Variants in MCFD2 observed in about 807,000 individuals in gnomAD.
MCFD2 encodes the protein multiple coagulation factor deficiency 2, ER cargo receptor complex subunit, also known as multiple coagulation factor deficiency protein 2.
Under a neutral mutation model 12.8 loss-of-function variants are expected in MCFD2, and 11 were observed. The observed-to-expected ratio is 0.86, with a 90% CI of 0.54 to 1.42. The LOEUF (loss-of-function observed/expected upper bound fraction) is 1.42, where lower values mean the gene tolerates loss of function less well. Ranked by LOEUF, MCFD2 falls within the 40% of genes most tolerant of loss-of-function variation. The pLI is 0.00. For synonymous variants in MCFD2, 70 were observed against 68.1 expected, an observed-to-expected ratio of 1.03 and a Z score of -0.14; for missense variants, 191 against 178.6, an observed-to-expected ratio of 1.07 and a Z score of -0.40.
chr2:46,915,247 GA>G (rs1266325825), intron 1 of MCFD2, among the ~76,000 whole-genome samples: 1 of 152,226 alleles, frequency 6.6e-6, no homozygotes, highest in Admixed American at 6.5e-5. Context: ...AAGCAAGTGA[GA>G]ATGATGCCCA....
Position 46,909,180 on chromosome 2 carries a change from G to A in MCFD2, c.-6-3C>T, listed in dbSNP as rs189323144. On this transcript the variant is annotated splice_polypyrimidine_tract_variant and splice_region_variant and intron_variant, in intron 1 of 3. Coordinates refer to ENST00000319466, the MANE Select transcript of MCFD2 (RefSeq NM_139279.6). ...AGGGATCTCATGGTCATCAATATCT[G>A]TGAGATGGGAAACACAGAAGAGGAA... 2 of 1,612,798 alleles carry A rather than the reference G, an allele frequency of 1.2e-6. No homozygotes were observed. Among genetic ancestry groups the A allele is most frequent in the Non-Finnish European group, 8.5e-7 (1 of 1,179,344 alleles).
intron 1 of MCFD2, among the ~76,000 whole-genome samples, chr2:46,926,469 G>T (rs933041827): frequency 6.6e-6 from 1 of 152,146 alleles, no homozygotes; most frequent in Non-Finnish European, 1.5e-5. Context: ...GTGAGGATAG[G>T]GAGAGTCAAG....
chr2:46,909,305 C>T (rs939255788), intron 1 of MCFD2, 128 bp from the exon 2 acceptor site: 47 of 1,082,350 alleles, frequency 4.3e-5, no homozygotes, highest in African/African-American at 3.6e-4. Flanking sequence ...TTGTCAAACA[C>T]GGCCCAATGC....
chr2:46,906,241 G>A (rs963572744), intron 3 of MCFD2, among the ~76,000 whole-genome samples: 5 of 151,894 alleles, frequency 3.3e-5, no homozygotes, highest in East Asian at 3.9e-4. Flanking sequence ...TAATTCCTCC[G>A]CCTAACACTA....
chr2:46,909,055 C>A lies in MCFD2; in HGVS notation c.117G>T (p.Met39Ile). The change falls in exon 2 of 4, where the codon ATG becomes ATT. Residue 39 changes from methionine (M) to isoleucine (I), a missense_variant. Met to Ile is a conservative substitution (Grantham distance 10). Coordinates refer to ENST00000319466, the MANE Select transcript of MCFD2 (RefSeq NM_139279.6). Reference sequence around the variant, plus strand: ...CGTGCACTGTGTTCTTATCCAGGCCCATGCTGCCGGGTTGGGAGAAGCTGG... The same window carrying A: ...CGTGCACTGTGTTCTTATCCAGGCCAATGCTGCCGGGTTGGGAGAAGCTGG... ...PAASFSQPGS[M>I]GLDKNTVHDQ... 1 of 1,614,250 alleles carries A rather than the reference C, an allele frequency of 6.2e-7. No homozygotes were observed. Among genetic ancestry groups the A allele is most frequent in the Non-Finnish European group, 8.5e-7 (1 of 1,180,052 alleles).
chr2:46,917,241 C>T (rs1254921818), upstream of MCFD2: 2 of 694,846 alleles, frequency 2.9e-6, no homozygotes, highest in Non-Finnish European at 5.2e-6. Context: ...GCAATCCTCC[C>T]ACCACCTCCG....
intron 1 of MCFD2, among the ~76,000 whole-genome samples, chr2:46,924,076 G>A (rs560072228): frequency 1.3e-5 from 2 of 151,926 alleles, no homozygotes; most frequent in Non-Finnish European, 2.9e-5. Flanking sequence ...GTGGTGGTGT[G>A]GGCCTGTAGT....
chr2:46,938,129 A>G (rs1670070935), intron 1 of MCFD2, among the ~76,000 whole-genome samples: 1 of 152,076 alleles, frequency 6.6e-6, no homozygotes, highest in Non-Finnish European at 1.5e-5. Context: ...GATCTCCAAA[A>G]CCTCCTTGAA....
chr2:46,918,390 A>C (rs1301182046), upstream of MCFD2, among the ~76,000 whole-genome samples: 2 of 152,220 alleles, frequency 1.3e-5, no homozygotes, highest in Non-Finnish European at 2.9e-5. Flanking sequence ...GTAGTAGATG[A>C]TGCTGCTGGA....
At chr2:46,913,484 C>T (rs1668568584) in intron 1 of MCFD2, among the ~76,000 whole-genome samples, 1 of 152,216 alleles carries the variant, frequency 6.6e-6, no homozygotes, top group Non-Finnish European at 1.5e-5. Flanking sequence ...ACAAATTAAA[C>T]TGCTGACAGT....
intron 1 of MCFD2, among the ~76,000 whole-genome samples, chr2:46,936,713 T>C (rs1017699549): frequency 2.0e-5 from 3 of 152,178 alleles, no homozygotes; most frequent in Non-Finnish European, 2.9e-5. Flanking sequence ...AAAGATAATT[T>C]AGAATTGCGG....
In MCFD2 at chr2:46,907,531, T is replaced by A. The variant is rs1212487769; in HGVS notation, c.309+279A>T. On this transcript the variant is annotated intron_variant, in intron 3 of 3. Coordinates refer to ENST00000319466, the MANE Select transcript of MCFD2 (RefSeq NM_139279.6). This position sits in a 1 kb window ranked among gnomAD's most constrained non-coding sequence, Gnocchi z 4.1. ...TCCTGAGTACGTAGAACTACGGGCA[T>A]GCACTACCAGGCCTGGCTAATTTTT... The A allele has an allele frequency of 2.4e-6, 1 of 425,036 alleles. No homozygotes were observed. Among genetic ancestry groups the A allele is most frequent in the Admixed American group, 3.5e-5 (1 of 28,602 alleles). 26.3% of individuals were successfully genotyped at this position (425,036 alleles called of 1,614,324 possible). A position where few individuals can be genotyped will look rare whatever the true frequency, so the allele number is the denominator to read the frequency against.
At chr2:46,923,895 G>T (rs1178859992) in intron 1 of MCFD2, among the ~76,000 whole-genome samples, 1 of 152,016 alleles carries the variant, frequency 6.6e-6, no homozygotes, top group East Asian at 1.9e-4. Context: ...ACCACGCCCA[G>T]CTAATTTTCT....
chr2:46,923,216 A>G (rs1669197023), intron 1 of MCFD2, among the ~76,000 whole-genome samples: 1 of 152,192 alleles, frequency 6.6e-6, no homozygotes. Flanking sequence ...GCTTTATTAC[A>G]TAGGCACAGT....
At chr2:46,915,999 C>T (rs1203610402), upstream of MCFD2, 1 of 985,456 alleles carries the variant, frequency 1.0e-6, no homozygotes, top group Non-Finnish European at 1.2e-6. Flanking sequence ...CCAAGGGCGA[C>T]ACTCGGCTCC....
upstream of MCFD2, among the ~76,000 whole-genome samples, chr2:46,920,343 T>C (rs1669036741): frequency 6.6e-6 from 1 of 152,156 alleles, no homozygotes; most frequent in South Asian, 2.1e-4. Context: ...CTTAGCCTTT[T>C]TTTTGAGACA....
chr2:46,929,077 CG>C (rs1669556109), intron 1 of MCFD2, among the ~76,000 whole-genome samples: 1 of 151,604 alleles, frequency 6.6e-6, no homozygotes. Context: ...GTGGGAGAAT[CG>C]CTTGAACCTG....
chr2:46,914,130 C>T (rs760740768), intron 1 of MCFD2: 1 of 152,336 alleles, frequency 6.6e-6, no homozygotes, highest in African/African-American at 2.4e-5. Context: ...AGTCTTGGCA[C>T]CTAGGTGTAT....
upstream of MCFD2, chr2:46,917,353 C>G: frequency 3.3e-6 from 2 of 600,870 alleles, no homozygotes; most frequent in Admixed American, 3.1e-5. Flanking sequence ...TTCTTCTTTC[C>G]TTACTCTGAA....
Sources: gnomAD v4.1 joint callset for allele counts (sites outside exome capture counted in the v4.1 genomes callset) on GRCh38, gnomAD v4.1.1 for gene constraint, Gnocchi (gnomAD v3.1) non-coding constraint, MANE v1.5 for transcripts, NCBI Gene and HGNC (gene_info 2026-07-23, HGNC 2026-07-21) for gene names.